The following NCOA2 variants were observed in gnomAD, a reference collection of about 807,000 sequenced individuals.
The protein encoded by NCOA2 is nuclear receptor coactivator 2, also known as class E basic helix-loop-helix protein 75.
NCOA2 carries 21 observed loss-of-function variants against 145.1 expected under a neutral mutation model. The observed-to-expected ratio is 0.14, with a 90% CI of 0.10 to 0.21. The LOEUF is 0.21. Among genes scored for constraint, NCOA2 ranks in the 10% least tolerant of loss-of-function variants. The pLI, the probability that NCOA2 is intolerant of heterozygous loss-of-function variation, is 1.00. For synonymous variants in NCOA2, 619 were observed against 637.5 expected (o/e 0.97, Z 0.44); for missense variants, 1,472 against 1,837.6 (o/e 0.80, Z 3.64).
chr8:70,290,432 C>T (rs2135635104), intron 2 of NCOA2, among the ~76,000 whole-genome samples: 1 of 152,242 alleles, frequency 6.6e-6, no homozygotes, highest in Middle Eastern at 3.4e-3. Flanking sequence ...TCGTGATCCG[C>T]CTGCCTCGGC....
intron 1 of NCOA2, among the ~76,000 whole-genome samples, chr8:70,326,441 A>ACACACACGTG (rs965274963): frequency 1.3e-5 from 2 of 149,116 alleles, no homozygotes; most frequent in Non-Finnish European, 3.0e-5. Context: ...ACACACACAC[A>ACACACACGTG]CACACACACG....
At chr8:70,249,473 G>C (rs549033979) in intron 2 of NCOA2, among the ~76,000 whole-genome samples, 2 of 152,212 alleles carry the variant, frequency 1.3e-5, no homozygotes, top group East Asian at 3.9e-4. Context: ...CCTGTCTTAG[G>C]TTCCTTATCT....
At chr8:70,448,556 G>A in the NCOA2 span, among the ~76,000 whole-genome samples, 1 of 152,098 alleles carries the variant, frequency 6.6e-6, no homozygotes, top group Admixed American at 6.6e-5. Context: ...TTGGCATCAC[G>A]ACTAAGAAAA....
At chr8:70,245,252 C>T (rs947143352) in intron 2 of NCOA2, 3 of 152,064 alleles carry the variant, frequency 2.0e-5, no homozygotes, top group South Asian at 2.1e-4. Context: ...TTGTTTCTAA[C>T]GATAGCTGAC....
At chr8:70,300,653 T>G (rs1827417291) in intron 1 of NCOA2, among the ~76,000 whole-genome samples, 1 of 152,086 alleles carries the variant, frequency 6.6e-6, no homozygotes, top group Non-Finnish European at 1.5e-5. Flanking sequence ...TATTTCATTT[T>G]ATTTATTTTT....
At chr8:70,231,785 A>ACCAG in intron 2 of NCOA2, among the ~76,000 whole-genome samples, 1 of 152,150 alleles carries the variant, frequency 6.6e-6, no homozygotes, top group Admixed American at 6.5e-5. Flanking sequence ...AGATGCCCTT[A>ACCAG]TATAGAATCT....
At chr8:70,356,963 G>C (rs911436877) in intron 1 of NCOA2, among the ~76,000 whole-genome samples, 2 of 152,110 alleles carry the variant, frequency 1.3e-5, no homozygotes, top group African/African-American at 4.8e-5. Context: ...TCCTGTTAGA[G>C]TTATTATATA....
At chr8:70,308,117 T>C (rs776666780) in intron 1 of NCOA2, among the ~76,000 whole-genome samples, 65 of 152,182 alleles carry the variant, frequency 4.3e-4, no homozygotes, top group Non-Finnish European at 8.7e-4. Flanking sequence ...GTCTCTGAAC[T>C]GTAACTAAAG....
At chr8:70,204,688 G>C (rs4236982) in intron 4 of NCOA2, among the ~76,000 whole-genome samples, 136,159 of 152,228 alleles carry the variant, frequency 0.89, 61,324 homozygotes, top group African/African-American at 0.95. Flanking sequence ...GAACAAACAT[G>C]ATACTCAAAA....
intron 2 of NCOA2, among the ~76,000 whole-genome samples, chr8:70,224,584 T>C (rs1160992662): frequency 1.3e-5 from 2 of 152,092 alleles, no homozygotes; most frequent in Non-Finnish European, 2.9e-5. Flanking sequence ...TATAGACACT[T>C]AGATTTCTTA....
At chr8:70,427,215 T>C in the NCOA2 span, among the ~76,000 whole-genome samples, 1 of 152,228 alleles carries the variant, frequency 6.6e-6, no homozygotes, top group Non-Finnish European at 1.5e-5. Context: ...TTGAAGTTAG[T>C]AATAATTTGG....
chr8:70,140,817 G>C (rs1319837551), intron 14 of NCOA2, among the ~76,000 whole-genome samples: 1 of 151,532 alleles, frequency 6.6e-6, no homozygotes, highest in South Asian at 2.1e-4. Context: ...GGCTGGTCTC[G>C]AACTCCTGAC....
At chr8:70,230,349 T>C (rs1297398443) in intron 2 of NCOA2, among the ~76,000 whole-genome samples, 2 of 152,170 alleles carry the variant, frequency 1.3e-5, no homozygotes, top group Non-Finnish European at 2.9e-5. Context: ...AACTGTTGAG[T>C]ACAGGGTTTC....
At chr8:70,203,738 C>T (rs1416855737) in intron 4 of NCOA2, among the ~76,000 whole-genome samples, 3 of 152,150 alleles carry the variant, frequency 2.0e-5, no homozygotes, top group Non-Finnish European at 4.4e-5. Flanking sequence ...ATATTTAATT[C>T]ATTTCTCAAA....
chr8:70,333,611 A>G (rs1392341731), intron 1 of NCOA2, among the ~76,000 whole-genome samples: 3 of 152,234 alleles, frequency 2.0e-5, no homozygotes, highest in African/African-American at 7.2e-5. Flanking sequence ...TTATCAAGGC[A>G]TGGAAGGGTG....
chr8:70,436,806 T>C, the NCOA2 span, among the ~76,000 whole-genome samples: 2 of 152,126 alleles, frequency 1.3e-5, no homozygotes, highest in Non-Finnish European at 2.9e-5. Flanking sequence ...ATAACCACTA[T>C]ACAAGGCAGA....
At chr8:70,447,693 T>C in the NCOA2 span, among the ~76,000 whole-genome samples, 1 of 146,774 alleles carries the variant, frequency 6.8e-6, no homozygotes, top group Non-Finnish European at 1.5e-5. Context: ...TTTTTTTTTT[T>C]TTTTTTTCTG....
At chr8:70,269,228 C>T (rs1824850174) in intron 2 of NCOA2, among the ~76,000 whole-genome samples, 1 of 152,108 alleles carries the variant, frequency 6.6e-6, no homozygotes, top group Admixed American at 6.5e-5. Flanking sequence ...TTAATAGCAG[C>T]ATAATATTTC....
chr8:70,238,222 A>T (rs1308678982), intron 2 of NCOA2, among the ~76,000 whole-genome samples: 1 of 152,226 alleles, frequency 6.6e-6, no homozygotes. Flanking sequence ...AAAATACACC[A>T]CATGTGTTAA....
Sources: gnomAD v4.1 joint callset for allele counts (sites outside exome capture counted in the v4.1 genomes callset) on GRCh38, gnomAD v4.1.1 for gene constraint, MANE v1.5 for transcripts, NCBI Gene and HGNC (gene_info 2026-07-23, HGNC 2026-07-21) for gene names.